Variants in AHNAK observed in about 807,000 individuals in gnomAD.
The protein encoded by AHNAK is neuroblast differentiation-associated protein AHNAK.
A neutral mutation model predicts 37.8 loss-of-function variants in AHNAK; 23 were observed. The ratio of observed to expected loss-of-function variants is 0.61; its 90% CI spans 0.44 to 0.86. The LOEUF (loss-of-function observed/expected upper bound fraction) is 0.86, where lower values mean the gene tolerates loss of function less well. AHNAK is among the 40% of genes least tolerant of loss of function. AHNAK has a pLI of 0.00. For missense variants in AHNAK, 7,411 were observed against 7,319.4 expected (o/e 1.01, Z -0.46); for synonymous variants, 2,481 against 2,636.3 (o/e 0.94, Z 1.80).
At chr11:62,500,568 G>A (rs1214471415) in intron 4 of AHNAK, among the ~76,000 whole-genome samples, 1 of 152,168 alleles carries the variant, frequency 6.6e-6, no homozygotes, top group Non-Finnish European at 1.5e-5. Context: ...CGTGGTATGT[G>A]GCTCCGAACC....
chr11:62,481,000 G>A (rs1939259615), intron 5 of AHNAK, among the ~76,000 whole-genome samples: 1 of 152,052 alleles, frequency 6.6e-6, no homozygotes, highest in South Asian at 2.1e-4. Context: ...TGAAACCCGA[G>A]GCGCTCCTGT....
In AHNAK at chr11:62,531,431, A is replaced by G. The variant is rs1342977923; in HGVS notation, c.2986T>C (p.Leu996=). ...DVEMQGPDWN[L]KMPKIKMPKF... ...GGCATTTTAATCTTTGGCATCTTCA[A>G]GTTCCAGTCAGGACCCTGCATTTCA... Residue 996 remains leucine (L), a synonymous_variant, in exon 5 of 5, where the codon TTG becomes CTG. Coordinates refer to ENST00000378024, the MANE Select transcript of AHNAK (RefSeq NM_001620.3). 6.2e-7 allele frequency: 1 copy of G among 1,613,980 alleles called. No homozygotes were observed. The highest frequency in any genetic ancestry group is 8.5e-7 in the Non-Finnish European group (1 of 1,180,020).
At chr11:62,511,579 T>A (rs576956369), downstream of AHNAK, among the ~76,000 whole-genome samples, 4 of 152,230 alleles carry the variant, frequency 2.6e-5, no homozygotes, top group African/African-American at 9.6e-5. Flanking sequence ...TTTACAGAAG[T>A]AAGTGTAGAG....
chr11:62,475,229 A>G (rs1028694194), intron 5 of AHNAK, among the ~76,000 whole-genome samples: 2 of 152,096 alleles, frequency 1.3e-5, no homozygotes, highest in African/African-American at 4.8e-5. Flanking sequence ...CTCAAACCCA[A>G]GAGGCAGAGG....
rs1182669132 is a variant in AHNAK at position 62,520,787 on chromosome 11, G to T, written c.13630C>A (p.Leu4544Met). ...TTGGGACCTTTCAGATCTCCCTCCA[G>T]TTTAGGAACGGAAATGTCCATATCT... The part of the protein sequence containing the change: ...KGDMDISVPK[L>M]EGDLKGPKVD... Residue 4544 changes from leucine (L) to methionine (M), a missense_variant, in exon 5 of 5, where the codon CTG (leucine) becomes ATG (methionine). Physicochemically the swap from Leu to Met is conservative, Grantham distance 15. Transcript: ENST00000378024. 2 of 1,613,998 alleles carry T rather than the reference G, an allele frequency of 1.2e-6. No individual in the cohort carries two copies. Among genetic ancestry groups the T allele is most frequent in the Admixed American group, 3.3e-5 (2 of 59,988 alleles).
intron 4 of AHNAK, among the ~76,000 whole-genome samples, chr11:62,497,837 C>T (rs1939637509): frequency 6.6e-6 from 1 of 151,872 alleles, no homozygotes; most frequent in African/African-American, 2.4e-5. Flanking sequence ...GGTGGCACGC[C>T]CCTGTAATCC....
At chr11:62,512,868 A>AGGG, downstream of AHNAK, among the ~76,000 whole-genome samples, 1 of 128,488 alleles carries the variant, frequency 7.8e-6, no homozygotes, top group Non-Finnish European at 1.6e-5. The surrounding 1 kb of genome is among the most constrained non-coding windows in gnomAD (Gnocchi z 4.0). Context: ...AGAAGGAAGG[A>AGGG]AGGGAGGGAG....
At chr11:62,471,920 T>C (rs961641797) in intron 5 of AHNAK, among the ~76,000 whole-genome samples, 3 of 151,662 alleles carry the variant, frequency 2.0e-5, no homozygotes, top group Non-Finnish European at 2.9e-5. Context: ...GGGAGAGGGG[T>C]GGAGAGATAG....
intron 5 of AHNAK, among the ~76,000 whole-genome samples, chr11:62,457,592 A>G (rs534310394): frequency 3.9e-5 from 6 of 152,224 alleles, no homozygotes; most frequent in Admixed American, 3.3e-4. Context: ...TCAAGCCACC[A>G]CACTCCAGTC....
At chr11:62,474,633 G>A (rs1440900970) in intron 5 of AHNAK, among the ~76,000 whole-genome samples, 1 of 152,184 alleles carries the variant, frequency 6.6e-6, no homozygotes, top group East Asian at 1.9e-4. Flanking sequence ...ATGGACACGA[G>A]GCCTTCCTCA....
intron 4 of AHNAK, among the ~76,000 whole-genome samples, chr11:62,510,776 T>TATATATATATATATAC (rs1555028323): frequency 2.0e-5 from 3 of 150,600 alleles, no homozygotes; most frequent in African/African-American, 7.5e-5. Flanking sequence ...TATATATATA[T>TATATATATATATATAC]ATGTATATGT....
At chr11:62,466,386 AT>A (rs1189890781) in intron 5 of AHNAK, among the ~76,000 whole-genome samples, 1 of 151,968 alleles carries the variant, frequency 6.6e-6, no homozygotes, top group African/African-American at 2.4e-5. Flanking sequence ...CCAGAGTTGT[AT>A]ATAGCCAGCT....
intron 5 of AHNAK, among the ~76,000 whole-genome samples, chr11:62,434,454 C>G (rs1938115899): frequency 6.6e-6 from 1 of 152,108 alleles, no homozygotes; most frequent in African/African-American, 2.4e-5. Context: ...AGCCCAGTGC[C>G]TCCTCCCCGA....
chr11:62,457,764 A>G (rs1938692613), intron 5 of AHNAK, among the ~76,000 whole-genome samples: 1 of 152,220 alleles, frequency 6.6e-6, no homozygotes, highest in South Asian at 2.1e-4. Context: ...GGAACAAGAG[A>G]TACTGTCACC....
chr11:62,528,097 A>T lies in AHNAK; in HGVS notation c.6320T>A (p.Met2107Lys), dbSNP rs1480527485. 4.3e-6 allele frequency: 7 copies of T among 1,612,508 alleles called. No individual in the cohort carries two copies. The highest frequency in any genetic ancestry group is 5.9e-6 in the Non-Finnish European group (7 of 1,179,614). The change falls in exon 5 of 5, where the codon ATG (methionine) becomes AAG (lysine). Residue 2107 changes from methionine to lysine, a missense_variant. Physicochemically the swap from Met to Lys is moderately conservative, Grantham distance 95. Coordinates refer to ENST00000378024, the MANE Select transcript of AHNAK (RefSeq NM_001620.3). ...GGGGGCCTTGAAGTGCATCTCAGGCATCTTAAGCTTGGGGCCCTTCAGCTT... is the reference window on the plus strand; with the variant it reads ...GGGGGCCTTGAAGTGCATCTCAGGCTTCTTAAGCTTGGGGCCCTTCAGCTT... ...EGKLKGPKLK[M>K]PEMHFKAPKI...
In AHNAK at chr11:62,536,383, C is replaced by T. The variant is rs1017464756; in HGVS notation, c.-1+86G>A. ...TAGCTGGCCCTTCATCCCTGTCCCC[C>T]ACGGCCCCAGCCTCCCATCCACACA... On this transcript the variant is annotated intron_variant, in intron 2 of 4. Transcript: ENST00000378024. 2.4e-5 allele frequency: 8 copies of T among 335,424 alleles called. No individual in the cohort carries two copies. The East Asian group carries it at 4.3e-4, about 18-fold the overall frequency. The allele number at this position is 335,424 out of a possible 1,614,324, so 20.8% of individuals were successfully genotyped here.
chr11:62,492,004 T>A (rs533759632), intron 4 of AHNAK, among the ~76,000 whole-genome samples: 1 of 152,186 alleles, frequency 6.6e-6, no homozygotes, highest in East Asian at 1.9e-4. Context: ...AATCTCTAGC[T>A]GTAGAGAAGA....
Position 62,532,463 on chromosome 11 carries a change from G to A in AHNAK, c.1954C>T (p.Leu652=). Residue 652 remains leucine, a synonymous_variant, in exon 5 of 5, where the codon CTA becomes TTA. Transcript: ENST00000378024. ...GAAATACTGATATCTCCTTTGGGTA[G>A]AGTCATATGAACATCTGGACCTTCC... ...KGEGPDVHMT[L]PKGDISISGP... is the part of the protein sequence containing the mutation. The A allele has an allele frequency of 6.2e-7, 1 of 1,613,956 alleles. No homozygotes were observed. Among genetic ancestry groups the A allele is most frequent in the South Asian group, 1.1e-5 (1 of 91,076 alleles).
chr11:62,439,089 A>ATTTTTTTTTT (rs11374757), intron 5 of AHNAK, among the ~76,000 whole-genome samples: 4 of 92,898 alleles, frequency 4.3e-5, no homozygotes, highest in African/African-American at 8.3e-5. Flanking sequence ...CAGTTTCCCT[A>ATTTTTTTTTT]TTTTTTTTTT....
Sources: allele counts gnomAD v4.1 joint callset (sites outside exome capture counted in the v4.1 genomes callset), GRCh38; gene constraint gnomAD v4.1.1; non-coding constraint Gnocchi (gnomAD v3.1); transcripts MANE v1.5; gene names NCBI Gene and HGNC (gene_info 2026-07-23, HGNC 2026-07-21).